Variants in MPZL3 observed in about 807,000 individuals in gnomAD.
MPZL3 encodes the protein myelin protein zero like 3, also known as myelin protein zero-like protein 3.
A neutral mutation model predicts 24.8 loss-of-function variants in MPZL3; 23 were observed. The ratio of observed to expected loss-of-function variants is 0.93; its 90% CI spans 0.67 to 1.31. The LOEUF (loss-of-function observed/expected upper bound fraction) is 1.31, where lower values mean the gene tolerates loss of function less well. Among genes scored for constraint, MPZL3 ranks in the 40% most tolerant of loss-of-function variants. The pLI is 0.00. For synonymous variants in MPZL3, 99 were observed against 106.5 expected, an observed-to-expected ratio of 0.93 and a Z score of 0.44; for missense variants, 277 against 294.9, an observed-to-expected ratio of 0.94 and a Z score of 0.44.
chr11:118,252,149 C>T (rs1949627813), intron 1 of MPZL3, 73 bp downstream of exon 1: 6 of 1,535,400 alleles, frequency 3.9e-6, no homozygotes, highest in South Asian at 2.2e-5. Context: ...ACCCCCCTAC[C>T]CGGAACCGGA....
intron 1 of MPZL3, among the ~76,000 whole-genome samples, chr11:118,241,172 G>A (rs1241795763): frequency 6.6e-6 from 1 of 151,958 alleles, no homozygotes; most frequent in Admixed American, 6.6e-5. Flanking sequence ...AGTTCCTTCT[G>A]CTTTCAGAGA....
At chr11:118,249,642 A>G (rs1280421916) in intron 1 of MPZL3, among the ~76,000 whole-genome samples, 1 of 152,042 alleles carries the variant, frequency 6.6e-6, no homozygotes, top group East Asian at 1.9e-4. Context: ...AAAGCCCCCA[A>G]TCTTGTATGC....
intron 1 of MPZL3, among the ~76,000 whole-genome samples, chr11:118,245,403 C>T (rs569054934): frequency 0.011 from 892 of 81,320 alleles, 5 homozygotes; most frequent in African/African-American, 0.026. Flanking sequence ...GAGGCTACTA[C>T]GATAGTCCAT....
chr11:118,247,990 C>T (rs904651806), intron 1 of MPZL3, among the ~76,000 whole-genome samples: 2 of 151,986 alleles, frequency 1.3e-5, no homozygotes, highest in Admixed American at 6.6e-5. Context: ...AGATCCTGAT[C>T]CCACCAAAAC....
At position 118,236,996 on chromosome 11, in the gene MPZL3, GCAC is replaced by G. The variant is rs1949433584; in HGVS notation, c.451+51_451+53del. 7 of 1,495,364 alleles carry G rather than the reference GCAC, an allele frequency of 4.7e-6. No homozygotes were observed. The Admixed American group carries it at 1.0e-4, about 22-fold the overall frequency. The allele number at this position is 1,495,364 out of a possible 1,614,324, so 92.6% of individuals were successfully genotyped here. A position where few individuals can be genotyped will look rare whatever the true frequency, so the allele number is the denominator to read the frequency against. On this transcript the variant is annotated intron_variant, in intron 3 of 5. Transcript: ENST00000278949. ...TGTTTATCATCGAGCTCTCCAGAAA[GCAC>G]CACAGCAGTCACAGAGCACTGCAGA...
chr11:118,230,781 C>T (rs921586235), intron 5 of MPZL3, among the ~76,000 whole-genome samples: 1 of 152,084 alleles, frequency 6.6e-6, no homozygotes, highest in African/African-American at 2.4e-5. Context: ...CATCTGGATC[C>T]ATCTATTTGG....
chr11:118,242,751 C>A lies in MPZL3; in HGVS notation c.74-2374G>T, dbSNP rs566106322. On this transcript the variant is annotated intron_variant, in intron 1 of 5. Transcript: ENST00000278949. ...CCCCTTTGCGGTGCCTTCCCAAATT[C>A]CCTGATGCGGTTCATCGCCCTTTCT... 7.9e-5 allele frequency among the ~76,000 whole-genome samples: 12 copies of A among 152,328 alleles called. No individual in the cohort carries two copies. In the South Asian group the frequency reaches 2.1e-3, roughly 26 times the overall value.
At chr11:118,243,596 C>A (rs1949524415) in intron 1 of MPZL3, among the ~76,000 whole-genome samples, 1 of 152,128 alleles carries the variant, frequency 6.6e-6, no homozygotes, top group Non-Finnish European at 1.5e-5. Context: ...TGGCAAAACC[C>A]TGTCTCTACT....
chr11:118,232,546 T>C (rs969648662), intron 5 of MPZL3, among the ~76,000 whole-genome samples: 41 of 152,264 alleles, frequency 2.7e-4, no homozygotes, highest in African/African-American at 9.9e-4. Flanking sequence ...ACAGTACATA[T>C]GGCACGTGAC....
chr11:118,228,931 A>C lies in MPZL3; in HGVS notation c.*963T>G, dbSNP rs1375641560. On this transcript the variant is annotated 3_prime_UTR_variant, in exon 6 of 6. Transcript: ENST00000278949. ...ATCACGAGGTCAGGGGATTGAGACC[A>C]TCCTGGCCAAAATGGTGAAACCCCG... 6.6e-6 allele frequency: 1 copy of C among 152,202 alleles called. No homozygotes were observed. The highest frequency in any genetic ancestry group is 2.4e-5 in the African/African-American group (1 of 41,420). The allele number at this position is 152,202 out of a possible 1,614,324, so 9.4% of individuals were successfully genotyped here.
At chr11:118,234,638 T>C (rs775423504) in intron 4 of MPZL3, among the ~76,000 whole-genome samples, 9 of 152,098 alleles carry the variant, frequency 5.9e-5, no homozygotes, top group Non-Finnish European at 2.9e-5. Flanking sequence ...AAATAGACAT[T>C]AGCATTTTTA....
intron 1 of MPZL3, among the ~76,000 whole-genome samples, chr11:118,247,101 T>A (rs1014949123): frequency 2.0e-5 from 3 of 152,106 alleles, no homozygotes; most frequent in African/African-American, 7.2e-5. Flanking sequence ...AGGAAATAAA[T>A]ATCCTGATCT....
chr11:118,251,078 C>CGTGTGTGTGTGTGT (rs3221165), intron 1 of MPZL3, among the ~76,000 whole-genome samples: 3 of 144,270 alleles, frequency 2.1e-5, no homozygotes, highest in Non-Finnish European at 4.5e-5. Flanking sequence ...GAATATTTCT[C>CGTGTGTGTGTGTGT]GTGTGTGTGT....
chr11:118,244,928 T>C (rs893846153), intron 1 of MPZL3, among the ~76,000 whole-genome samples: 1 of 150,720 alleles, frequency 6.6e-6, no homozygotes, highest in African/African-American at 2.4e-5. Flanking sequence ...TACAAAAAAT[T>C]AGTGGGGCGT....
chr11:118,242,721 T>C (rs1051714503), intron 1 of MPZL3, among the ~76,000 whole-genome samples: 1 of 152,196 alleles, frequency 6.6e-6, no homozygotes, highest in African/African-American at 2.4e-5. Flanking sequence ...AGCTCAAATA[T>C]CGGCCCCCTT....
At chr11:118,250,217 G>T (rs1170210857) in intron 1 of MPZL3, among the ~76,000 whole-genome samples, 1 of 127,170 alleles carries the variant, frequency 7.9e-6, no homozygotes, top group Non-Finnish European at 1.6e-5. Context: ...TAGAGATAGG[G>T]TTTTACCACG....
Position 118,237,042 on chromosome 11 carries a change from G to A in MPZL3, c.451+8C>T. The A allele has an allele frequency of 6.2e-7, 1 of 1,612,906 alleles. No individual in the cohort carries two copies. The highest frequency in any genetic ancestry group is 2.2e-5 in the East Asian group (1 of 44,868). ...ACTGCAGAAGAAGGTTGGTGGCAAT[G>A]AGCTTACCCCTTTCTGTGACTGTTA... On this transcript the variant is annotated splice_region_variant and intron_variant, in intron 3 of 5. Transcript: ENST00000278949.
rs1330049643 is a variant in MPZL3 at position 118,228,554 on chromosome 11, T to C, written c.*1340A>G. On this transcript the variant is annotated 3_prime_UTR_variant, in exon 6 of 6. Coordinates refer to ENST00000278949, the MANE Select transcript of MPZL3 (RefSeq NM_198275.3). ...GTTGTCATAGCAGAATGGAGTAACC[T>C]GCTGTAAGGCACTGAGAGAATACAA... The C allele has an allele frequency of 1.3e-5, 2 of 152,238 alleles. No homozygotes were observed. The highest frequency in any genetic ancestry group is 2.9e-5 in the Non-Finnish European group (2 of 68,038). 9.4% of individuals were successfully genotyped at this position (152,238 alleles called of 1,614,324 possible). A position where few individuals can be genotyped will look rare whatever the true frequency, so the allele number is the denominator to read the frequency against.
intron 1 of MPZL3, among the ~76,000 whole-genome samples, chr11:118,245,136 T>C (rs1949544024): frequency 6.6e-6 from 1 of 150,470 alleles, no homozygotes; most frequent in South Asian, 2.1e-4. Flanking sequence ...CAAGAGTGAA[T>C]ATGGGTAAAT....
Sources: gnomAD v4.1 joint callset for allele counts (sites outside exome capture counted in the v4.1 genomes callset) on GRCh38, gnomAD v4.1.1 for gene constraint, MANE v1.5 for transcripts, NCBI Gene and HGNC (gene_info 2026-07-23, HGNC 2026-07-21) for gene names.